PRLR: variants seen among roughly 807,000 people sequenced by gnomAD.
The protein encoded by PRLR is hPRL receptor.
A neutral mutation model predicts 40.2 loss-of-function variants in PRLR; 13 were observed. The ratio of observed to expected loss-of-function variants is 0.32; its 90% CI spans 0.21 to 0.51. The LOEUF is 0.51. Among genes scored for constraint, PRLR ranks in the 20% least tolerant of loss-of-function variants. The probability of loss-of-function intolerance (pLI) is 0.97; values close to 1 mark genes in which losing one functional copy is unlikely to be tolerated. For missense variants in PRLR, 656 were observed against 747.3 expected (o/e 0.88, Z 1.42); for synonymous variants, 269 against 278.7 (o/e 0.97, Z 0.35).
At chr5:35,186,270 A>ATT (rs112357816) in intron 1 of PRLR, among the ~76,000 whole-genome samples, 25 of 151,716 alleles carry the variant, frequency 1.6e-4, no homozygotes, top group African/African-American at 5.1e-4. Context: ...TCTTTAAAAA[A>ATT]ATTTTTTTTT....
chr5:35,092,538 A>C (rs1026122900), intron 2 of PRLR, among the ~76,000 whole-genome samples: 5 of 152,208 alleles, frequency 3.3e-5, no homozygotes, highest in Admixed American at 1.3e-4. Flanking sequence ...GCAGACACTA[A>C]GCTGGGGATA....
chr5:35,171,422 G>GT (rs1412545032), intron 1 of PRLR, among the ~76,000 whole-genome samples: 2 of 152,150 alleles, frequency 1.3e-5, no homozygotes, highest in African/African-American at 4.8e-5. Flanking sequence ...AGTGGCCTGT[G>GT]TTTTTTTATT....
intron 1 of PRLR, among the ~76,000 whole-genome samples, chr5:35,216,806 C>T (rs1776298417): frequency 6.6e-6 from 1 of 152,104 alleles, no homozygotes; most frequent in African/African-American, 2.4e-5. Flanking sequence ...AAAGTTTAAC[C>T]CACTTATTGA....
intron 1 of PRLR, among the ~76,000 whole-genome samples, chr5:35,218,477 G>T (rs1056770339): frequency 6.6e-6 from 1 of 152,140 alleles, no homozygotes; most frequent in South Asian, 2.1e-4. Flanking sequence ...TTGCTGAATA[G>T]TTCACTTACT....
chr5:35,161,338 T>TA (rs367813734), intron 1 of PRLR, among the ~76,000 whole-genome samples: 58 of 152,284 alleles, frequency 3.8e-4, no homozygotes, highest in African/African-American at 1.2e-3. Flanking sequence ...CTCTAAAAAT[T>TA]ATTTGATCTC....
intron 1 of PRLR, among the ~76,000 whole-genome samples, chr5:35,136,729 G>A (rs940655653): frequency 1.3e-5 from 2 of 152,072 alleles, no homozygotes; most frequent in African/African-American, 4.8e-5. Context: ...ACTTTAGCTG[G>A]CTAGCCCACG....
In PRLR at chr5:35,065,732, C is replaced by G. The variant is rs189248053; in HGVS notation, c.1226G>C (p.Gly409Ala). The part of the protein sequence containing the change: ...MEGKIPYFHA[G>A]GSKCSTWPLP... The stretch of plus-strand genomic sequence containing the variant: ...GGGCCATGTTGAACATTTGGATCCA[C>G]CAGCATGAAAATAGGGGATTTTGCC... Residue 409 changes from glycine (G) to alanine (A), a missense_variant, in exon 10 of 10, where the codon GGT becomes GCT. Physicochemically the swap from Gly to Ala is moderately conservative, Grantham distance 60. Coordinates refer to ENST00000618457, the MANE Select transcript of PRLR (RefSeq NM_000949.7). 3.1e-6 allele frequency: 5 copies of G among 1,614,154 alleles called. No individual in the cohort carries two copies. In the African/African-American group the frequency reaches 5.3e-5, roughly 17 times the overall value.
intron 1 of PRLR, among the ~76,000 whole-genome samples, chr5:35,191,037 T>C (rs923122501): frequency 7.0e-6 from 1 of 141,974 alleles, no homozygotes; most frequent in East Asian, 2.1e-4. Flanking sequence ...AATTAACAGA[T>C]GTGTTATTTT....
chr5:35,171,661 C>T (rs1019222168), intron 1 of PRLR, among the ~76,000 whole-genome samples: 1 of 152,076 alleles, frequency 6.6e-6, no homozygotes, highest in East Asian at 1.9e-4. Flanking sequence ...CATTTGGAAG[C>T]TTGGGGCAGT....
At chr5:35,203,694 A>G (rs1452596447) in intron 1 of PRLR, among the ~76,000 whole-genome samples, 1 of 152,172 alleles carries the variant, frequency 6.6e-6, no homozygotes, top group Non-Finnish European at 1.5e-5. Flanking sequence ...AACATCCATT[A>G]CAAAGCAATA....
chr5:35,157,919 A>C (rs1449450826), intron 1 of PRLR, among the ~76,000 whole-genome samples: 1 of 152,152 alleles, frequency 6.6e-6, no homozygotes, highest in African/African-American at 2.4e-5. Context: ...CAATTAATAC[A>C]TTAAAAATTT....
intron 2 of PRLR, among the ~76,000 whole-genome samples, chr5:35,111,383 G>T (rs530838757): frequency 6.6e-6 from 1 of 152,268 alleles, no homozygotes; most frequent in South Asian, 2.1e-4. Flanking sequence ...GCTGCTAGAT[G>T]GTAGAGGTGG....
At position 35,065,466 on chromosome 5, in the gene PRLR, T is replaced by C; in HGVS notation, c.1492A>G (p.Lys498Glu). Residue 498 changes from lysine (K) to glutamate (E), a missense_variant, in exon 10 of 10, where the codon AAA becomes GAA. Physicochemically the swap from Lys to Glu is moderately conservative, Grantham distance 56 (BLOSUM62 1). Coordinates refer to ENST00000618457, the MANE Select transcript of PRLR (RefSeq NM_000949.7). ...QDTPWLLPQE[K>E]TPFGSAKPLD... is the part of the protein sequence containing the mutation. The stretch of plus-strand genomic sequence containing the variant: ...GGTTTAGCGGAGCCAAAGGGGGTTT[T>C]CTCCTGGGGCAGCAGCCAGGGCGTA... 6.2e-7 allele frequency: 1 copy of C among 1,614,172 alleles called. No individual in the cohort carries two copies.
chr5:35,060,811 A>G lies in PRLR; in HGVS notation c.*4278T>C, dbSNP rs1159653486. The G allele has an allele frequency of 6.6e-6, 1 of 152,232 alleles. No homozygotes were observed. The highest frequency in any genetic ancestry group is 2.4e-5 in the African/African-American group (1 of 41,468). The allele number at this position is 152,232 out of a possible 1,614,324, so 9.4% of individuals were successfully genotyped here. A position where few individuals can be genotyped will look rare whatever the true frequency, so the allele number is the denominator to read the frequency against. On this transcript the variant is annotated 3_prime_UTR_variant, in exon 10 of 10. Transcript: ENST00000618457. ...GTCATTTATATTTTTCTGTTTGTGT[A>G]CAAAGTTCCAATGTGCATGCATTGT...
At chr5:35,219,055 G>T (rs1244364715) in intron 1 of PRLR, among the ~76,000 whole-genome samples, 1 of 152,166 alleles carries the variant, frequency 6.6e-6, no homozygotes, top group Non-Finnish European at 1.5e-5. Flanking sequence ...CTCCCACCTT[G>T]GCAGATGGCA....
intron 1 of PRLR, among the ~76,000 whole-genome samples, 194 bp downstream of exon 1, chr5:35,230,063 CCGGGCGGGAGG>C (rs1776659273): frequency 6.6e-6 from 1 of 151,952 alleles, no homozygotes; most frequent in Admixed American, 6.5e-5. Context: ...GAAGGGACAT[CCGGGCGGGAGG>C]CGGGCGGATC....
chr5:35,173,236 G>T (rs1775052474), intron 1 of PRLR, among the ~76,000 whole-genome samples: 1 of 152,144 alleles, frequency 6.6e-6, no homozygotes, highest in African/African-American at 2.4e-5. Flanking sequence ...CATACATGTT[G>T]GCTGATAAAA....
At chr5:35,173,247 T>C (rs1775052681) in intron 1 of PRLR, among the ~76,000 whole-genome samples, 1 of 152,214 alleles carries the variant, frequency 6.6e-6, no homozygotes, top group Non-Finnish European at 1.5e-5. Flanking sequence ...GCTGATAAAA[T>C]TCAACATCTC....
At chr5:35,142,867 T>C (rs1774063741) in intron 1 of PRLR, among the ~76,000 whole-genome samples, 1 of 152,244 alleles carries the variant, frequency 6.6e-6, no homozygotes, top group Non-Finnish European at 1.5e-5. Flanking sequence ...GTGAGTTACT[T>C]AACCTCTGTG....
Sources: allele counts gnomAD v4.1 joint callset (sites outside exome capture counted in the v4.1 genomes callset), GRCh38; gene constraint gnomAD v4.1.1; transcripts MANE v1.5; gene names NCBI Gene and HGNC (gene_info 2026-07-23, HGNC 2026-07-21).